Variants in ACER3 observed in about 807,000 individuals in gnomAD.
ACER3 encodes the protein alkaline ceramidase 3, also known as alkCDase 3.
Under a neutral mutation model 48.9 loss-of-function variants are expected in ACER3, and 16 were observed. The observed-to-expected ratio is 0.33, with a 90% confidence interval of 0.22 to 0.50. The LOEUF (loss-of-function observed/expected upper bound fraction) is 0.50. Ranked by LOEUF, ACER3 falls within the 20% of genes least tolerant of loss-of-function variation. ACER3 has a pLI of 0.98. For synonymous variants in ACER3, 109 were observed against 107.8 expected (o/e 1.01, Z -0.07); for missense variants, 227 against 326.0 (o/e 0.70, Z 2.34).
intron 1 of ACER3, among the ~76,000 whole-genome samples, chr11:76,915,442 C>G (rs1218203903): frequency 6.6e-6 from 1 of 152,032 alleles, no homozygotes; most frequent in Admixed American, 6.6e-5. Context: ...GTACCCACCC[C>G]CCCGAGATCG....
intron 1 of ACER3, among the ~76,000 whole-genome samples, chr11:76,896,945 TTGTTGG>T (rs923267242): frequency 7.2e-5 from 11 of 151,962 alleles, no homozygotes; most frequent in Non-Finnish European, 1.3e-4. Flanking sequence ...GTTGTTGTTG[TTGTTGG>T]TTTTTTGTTT....
intron 1 of ACER3, among the ~76,000 whole-genome samples, chr11:76,869,407 T>C (rs2134515785): frequency 6.6e-6 from 1 of 152,364 alleles, no homozygotes; most frequent in South Asian, 2.1e-4. Flanking sequence ...AAAACATAGA[T>C]AGGTTCATAA....
chr11:77,019,079 G>A (rs961707675), intron 9 of ACER3, among the ~76,000 whole-genome samples: 1 of 152,186 alleles, frequency 6.6e-6, no homozygotes, highest in South Asian at 2.1e-4. Context: ...AGGTTGTGAC[G>A]CTCTTGTTTG....
At chr11:76,900,730 G>A (rs1030249190) in intron 1 of ACER3, among the ~76,000 whole-genome samples, 1 of 152,172 alleles carries the variant, frequency 6.6e-6, no homozygotes, top group South Asian at 2.1e-4. Flanking sequence ...TTCAGGCACT[G>A]CTTCTTCTAC....
intron 1 of ACER3, among the ~76,000 whole-genome samples, chr11:76,894,468 C>T (rs1191039807): frequency 6.6e-6 from 1 of 152,086 alleles, no homozygotes; most frequent in East Asian, 1.9e-4. Flanking sequence ...AATTAATATG[C>T]TTAGACTTAG....
chr11:76,879,948 C>G (rs1217169349), intron 1 of ACER3, among the ~76,000 whole-genome samples: 2 of 152,110 alleles, frequency 1.3e-5, no homozygotes, highest in Non-Finnish European at 2.9e-5. Context: ...TTCATTTCCT[C>G]TAAATTGTAG....
intron 7 of ACER3, among the ~76,000 whole-genome samples, chr11:77,013,425 C>A (rs568192693): frequency 4.5e-4 from 68 of 152,094 alleles, no homozygotes; most frequent in Non-Finnish European, 6.5e-4. Flanking sequence ...AGAAGGCAAA[C>A]AATAATGTAT....
chr11:76,942,963 A>T (rs10899329), intron 2 of ACER3, among the ~76,000 whole-genome samples: 86,721 of 151,784 alleles, frequency 0.57, 27,958 homozygotes, highest in Non-Finnish European at 0.74. Context: ...GGCAGAGTGA[A>T]TAGTTGTTTA....
Position 77,016,769 on chromosome 11 carries a change from A to G in ACER3, c.694A>G (p.Ile232Val), listed in dbSNP as rs1949378753. ...ILTGLGSYLH[I>V]LFSLYTRTLY... ...AACTGGCCTTGGTTCCTATCTTCAC[A>G]TCCTTTTCAGGTAGGAAATAGAGAC... The change falls in exon 9 of 11, where the codon ATC becomes GTC. Residue 232 changes from isoleucine (I) to valine (V), a missense_variant. Ile to Val is a conservative substitution (Grantham distance 29). Transcript: ENST00000532485. 1 of 1,577,824 alleles carries G rather than the reference A, an allele frequency of 6.3e-7. No homozygotes were observed. The highest frequency in any genetic ancestry group is 1.4e-5 in the African/African-American group (1 of 73,622).
At chr11:76,873,947 C>A (rs1286019609) in intron 1 of ACER3, among the ~76,000 whole-genome samples, 2 of 152,068 alleles carry the variant, frequency 1.3e-5, no homozygotes, top group Non-Finnish European at 2.9e-5. Flanking sequence ...TAGAATCTAC[C>A]TTTGTTCCTT....
chr11:76,978,199 C>G (rs1469179345), intron 4 of ACER3, among the ~76,000 whole-genome samples: 2 of 152,192 alleles, frequency 1.3e-5, no homozygotes, highest in East Asian at 3.9e-4. Flanking sequence ...TGAAGCTCCA[C>G]CTTCAAGCCG....
intron 2 of ACER3, among the ~76,000 whole-genome samples, chr11:76,954,268 T>A (rs1300264625): frequency 6.6e-6 from 1 of 152,140 alleles, no homozygotes; most frequent in Non-Finnish European, 1.5e-5. Flanking sequence ...CTTAATCTAT[T>A]TTCTATAAAC....
At chr11:76,868,109 C>T in intron 1 of ACER3, 1 of 1,289,470 alleles carries the variant, frequency 7.8e-7, no homozygotes, top group Non-Finnish European at 1.0e-6. Flanking sequence ...CTTTTCTTTT[C>T]CTTTTCTCAG....
rs370211289 is a variant in ACER3 at position 76,869,345 on chromosome 11, G to C, written c.103+8266G>C. 6.6e-5 allele frequency among the ~76,000 whole-genome samples: 10 copies of C among 152,226 alleles called. No homozygotes were observed. The South Asian group carries it at 8.3e-4, about 13-fold the overall frequency. On this transcript the variant is annotated intron_variant, in intron 1 of 10. Coordinates refer to ENST00000532485, the MANE Select transcript of ACER3 (RefSeq NM_018367.7). ...GTTGATATATGCAGACAGCATCCAA[G>C]TCAGACTGCCAGTTAATTGTTTTAG...
At chr11:76,932,101 A>G (rs1947016383) in intron 2 of ACER3, among the ~76,000 whole-genome samples, 1 of 151,928 alleles carries the variant, frequency 6.6e-6, no homozygotes, top group Non-Finnish European at 1.5e-5. Context: ...GGCGTATGCC[A>G]CCATGCCTGG....
intron 7 of ACER3, among the ~76,000 whole-genome samples, chr11:77,007,968 T>C (rs1379730661): frequency 6.6e-6 from 1 of 152,202 alleles, no homozygotes; most frequent in Non-Finnish European, 1.5e-5. Context: ...GATGGGTATG[T>C]TAATTAGCTT....
intron 2 of ACER3, among the ~76,000 whole-genome samples, chr11:76,933,173 CAT>C (rs144524712): frequency 0.12 from 15,292 of 129,516 alleles, 2,730 homozygotes; most frequent in African/African-American, 0.38. Context: ...ATACGTATTT[CAT>C]ATATATATAT....
At chr11:76,897,313 G>A (rs965268938) in intron 1 of ACER3, among the ~76,000 whole-genome samples, 3 of 152,096 alleles carry the variant, frequency 2.0e-5, no homozygotes, top group African/African-American at 4.8e-5. Context: ...TTGACATTAC[G>A]TATACCAAAA....
At position 76,868,239 on chromosome 11, in the gene ACER3, A is replaced by T. The variant is rs527865815; in HGVS notation, c.103+7160A>T. 88 of 1,289,548 alleles carry T rather than the reference A, an allele frequency of 6.8e-5. 2 individuals carry two copies. The South Asian group carries it at 1.0e-3, about 15-fold the overall frequency. The allele number at this position is 1,289,548 out of a possible 1,614,324, so 79.9% of individuals were successfully genotyped here. A position where few individuals can be genotyped will look rare whatever the true frequency, so the allele number is the denominator to read the frequency against. On this transcript the variant is annotated intron_variant, in intron 1 of 10. Coordinates refer to ENST00000532485, the MANE Select transcript of ACER3 (RefSeq NM_018367.7). ...TGACATCCCTGTCATATGAAGGAAG[A>T]TGCTCCTTTCTCTGAAGGTTATTGA... is the stretch of plus-strand genomic sequence containing the variant.
Sources: allele counts gnomAD v4.1 joint callset (sites outside exome capture counted in the v4.1 genomes callset), GRCh38; gene constraint gnomAD v4.1.1; transcripts MANE v1.5; gene names NCBI Gene and HGNC (gene_info 2026-07-23, HGNC 2026-07-21).